Variants in NCKAP5 observed in about 807,000 individuals in gnomAD.
The protein encoded by NCKAP5 is nck-associated protein 5.
NCKAP5 carries 92 observed loss-of-function variants against 167.0 expected under a neutral mutation model. The ratio of observed to expected loss-of-function variants is 0.55; its 90% CI spans 0.47 to 0.66. The LOEUF is 0.66. Among genes scored for constraint, NCKAP5 ranks in the 30% least tolerant of loss-of-function variants. NCKAP5 has a pLI of 0.00. For synonymous variants in NCKAP5, 891 were observed against 877.4 expected (o/e 1.02, Z -0.27); for missense variants, 2,378 against 2,315.0 (o/e 1.03, Z -0.56).
intron 5 of NCKAP5, among the ~76,000 whole-genome samples, chr2:133,197,214 C>T (rs544258584): frequency 6.6e-5 from 10 of 152,284 alleles, no homozygotes; most frequent in African/African-American, 1.7e-4. Flanking sequence ...ACTATGCTTG[C>T]CTCTGAGCTA....
intron 3 of NCKAP5, among the ~76,000 whole-genome samples, chr2:133,454,861 C>T (rs1302360867): frequency 2.0e-5 from 3 of 151,874 alleles, no homozygotes; most frequent in East Asian, 3.9e-4. Flanking sequence ...CATTAAGCAA[C>T]AATAAATGAA....
At chr2:133,507,631 CA>C (rs1454821568) in intron 3 of NCKAP5, among the ~76,000 whole-genome samples, 6 of 152,154 alleles carry the variant, frequency 3.9e-5, no homozygotes, top group Non-Finnish European at 8.8e-5. Context: ...GAGAGAATTG[CA>C]AAATTAGTGT....
At chr2:133,123,667 G>A in intron 6 of NCKAP5, 1 of 414,074 alleles carries the variant, frequency 2.4e-6, no homozygotes, top group South Asian at 1.8e-5. Flanking sequence ...AGGAGAGCCA[G>A]CCTCTGAGAC....
intron 4 of NCKAP5, among the ~76,000 whole-genome samples, chr2:133,229,953 C>G (rs534464163): frequency 2.0e-5 from 3 of 149,720 alleles, no homozygotes; most frequent in Non-Finnish European, 2.9e-5. Flanking sequence ...CACACTCTCT[C>G]TGTGGGAGTG....
chr2:132,907,666 CT>C (rs901705536), intron 8 of NCKAP5, among the ~76,000 whole-genome samples: 2 of 150,776 alleles, frequency 1.3e-5, no homozygotes, highest in East Asian at 3.9e-4. Context: ...ATTCTTTTTT[CT>C]TTTTTTTTGA....
chr2:132,853,383 C>G (rs1341191686), intron 11 of NCKAP5, among the ~76,000 whole-genome samples: 1 of 152,154 alleles, frequency 6.6e-6, no homozygotes, highest in Non-Finnish European at 1.5e-5. Context: ...TTTCCTGCTT[C>G]CTTCACCTGG....
chr2:133,071,308 A>C (rs567206711), intron 6 of NCKAP5, among the ~76,000 whole-genome samples: 7 of 151,688 alleles, frequency 4.6e-5, no homozygotes, highest in Non-Finnish European at 7.4e-5. Flanking sequence ...AGCCGGGCGT[A>C]GTGGCGGGCG....
chr2:133,439,625 G>A (rs1364251301), intron 3 of NCKAP5, among the ~76,000 whole-genome samples: 1 of 152,110 alleles, frequency 6.6e-6, no homozygotes, highest in Non-Finnish European at 1.5e-5. Context: ...ATACATACAT[G>A]GAAATAATAA....
At chr2:132,975,681 G>T (rs1367368560) in intron 7 of NCKAP5, among the ~76,000 whole-genome samples, 11 of 152,072 alleles carry the variant, frequency 7.2e-5, no homozygotes. Flanking sequence ...GTAGTTGTTT[G>T]AGTATAAGCT....
rs60915406 is a variant in NCKAP5, at chr2:133,210,173, A to AATAATATAAT, written c.207+3533_207+3542dup. On this transcript the variant is annotated intron_variant, in intron 5 of 19. Transcript: ENST00000409261. ...AGAGTGAAACTCCATCTCAAAAATA[A>AATAATATAAT]ATAATATAATATAATATAATATAAC... Among the ~76,000 whole-genome samples the AATAATATAAT allele has an allele frequency of 1.3e-3, 182 of 145,076 alleles. 1 individual carries two copies. Among genetic ancestry groups the AATAATATAAT allele is most frequent in the East Asian group, 2.6e-3 (13 of 5,016 alleles).
chr2:132,686,840 C>G (rs140546295), intron 19 of NCKAP5, among the ~76,000 whole-genome samples: 101 of 152,174 alleles, frequency 6.6e-4, no homozygotes, highest in African/African-American at 2.3e-3. Flanking sequence ...AGTAAGTAAA[C>G]AGGAAAATAG....
chr2:133,113,475 T>C (rs1388187000), intron 6 of NCKAP5, among the ~76,000 whole-genome samples: 1 of 152,246 alleles, frequency 6.6e-6, no homozygotes, highest in African/African-American at 2.4e-5. Flanking sequence ...ATTGTCTCTC[T>C]TATACCCAGG....
chr2:133,155,917 A>G (rs1008640289), intron 5 of NCKAP5, among the ~76,000 whole-genome samples: 9 of 152,228 alleles, frequency 5.9e-5, no homozygotes, highest in African/African-American at 2.2e-4. Flanking sequence ...GTGTGCACAC[A>G]CATCCAGTTG....
chr2:133,367,968 T>TGGAGACCCCAGCCCAGCC (rs1283627176), intron 3 of NCKAP5, among the ~76,000 whole-genome samples: 60 of 152,102 alleles, frequency 3.9e-4, no homozygotes, highest in Non-Finnish European at 1.5e-5. Flanking sequence ...GAGCTGCAGG[T>TGGAGACCCCAGCCCAGCC]GGAGACCCCA....
intron 4 of NCKAP5, among the ~76,000 whole-genome samples, chr2:133,252,835 A>G (rs2150343457): frequency 6.6e-6 from 1 of 152,316 alleles, no homozygotes; most frequent in African/African-American, 2.4e-5. Flanking sequence ...CTTACTTGCA[A>G]CTGGCAGAAT....
intron 4 of NCKAP5, among the ~76,000 whole-genome samples, chr2:133,254,134 C>T (rs536405510): frequency 1.3e-4 from 20 of 152,280 alleles, no homozygotes; most frequent in Non-Finnish European, 2.2e-4. Flanking sequence ...CTGGTGTAAT[C>T]TCCTCCCACA....
chr2:132,980,940 A>G (rs566835140), intron 7 of NCKAP5, among the ~76,000 whole-genome samples: 13 of 152,290 alleles, frequency 8.5e-5, no homozygotes, highest in South Asian at 2.1e-4. Flanking sequence ...GCAGGAAAGG[A>G]ATTGTATTCA....
At chr2:133,647,154 T>C in the NCKAP5 span, among the ~76,000 whole-genome samples, 1 of 151,800 alleles carries the variant, frequency 6.6e-6, no homozygotes. Flanking sequence ...CTGTGCAACA[T>C]AGCAAGACCC....
intron 4 of NCKAP5, among the ~76,000 whole-genome samples, chr2:133,250,193 G>A (rs1452193570): frequency 6.6e-6 from 1 of 151,972 alleles, no homozygotes; most frequent in Non-Finnish European, 1.5e-5. Flanking sequence ...ATATTCCCCA[G>A]GAAGGAATAC....
Sources: gnomAD v4.1 joint callset for allele counts (sites outside exome capture counted in the v4.1 genomes callset) on GRCh38, gnomAD v4.1.1 for gene constraint, MANE v1.5 for transcripts, NCBI Gene and HGNC (gene_info 2026-07-23, HGNC 2026-07-21) for gene names.